Variants in DAB1 observed in about 807,000 individuals in gnomAD.
DAB1 encodes disabled homolog 1.
Under a neutral mutation model 64.6 loss-of-function variants are expected in DAB1, and 15 were observed. That is an observed-to-expected ratio of 0.23 (90% confidence interval 0.16 to 0.36). The LOEUF (loss-of-function observed/expected upper bound fraction) is 0.36, where lower values mean the gene tolerates loss of function less well. Among genes scored for constraint, DAB1 ranks in the 10% least tolerant of loss-of-function variants. The pLI, the probability that DAB1 is intolerant of heterozygous loss-of-function variation, is 1.00. For synonymous variants in DAB1, 235 were observed against 251.9 expected (o/e 0.93, Z 0.64); for missense variants, 596 against 706.7 (o/e 0.84, Z 1.78).
intron 4 of DAB1, among the ~76,000 whole-genome samples, chr1:58,314,263 T>C (rs1314564388): frequency 6.6e-6 from 1 of 152,126 alleles, no homozygotes; most frequent in Non-Finnish European, 1.5e-5. Context: ...TCACAAGCCA[T>C]GTTGTCTGGT....
Position 58,091,935 on chromosome 1 carries a change from AACACACACACACACAC to A in DAB1, n.387+58560_387+58575del, listed in dbSNP as rs59390109. Among the ~76,000 whole-genome samples, 491 of 141,922 alleles carry A rather than the reference AACACACACACACACAC, an allele frequency of 3.5e-3. 2 individuals carry two copies. Among genetic ancestry groups the A allele is most frequent in the Middle Eastern group, 0.014 (4 of 284 alleles). The allele number at this position is 141,922 out of a possible 152,430, so 93.1% of individuals were successfully genotyped here. The stretch of plus-strand genomic sequence containing the variant: ...AGTTAGGATGCTTTGAGCTGCATTA[AACACACACACACACAC>A]ACACACACACACACACAAACTAACA... On this transcript the variant is annotated intron_variant and non_coding_transcript_variant, in intron 5 of 20. Transcript: ENST00000485760.
chr1:57,324,874 C>T (rs1345287341), intron 1 of DAB1, among the ~76,000 whole-genome samples: 1 of 152,194 alleles, frequency 6.6e-6, no homozygotes, highest in African/African-American at 2.4e-5. Flanking sequence ...AGTTGACTCC[C>T]CTCCTTCATG....
chr1:58,183,669 T>A (rs1195687053), intron 4 of DAB1, among the ~76,000 whole-genome samples: 1 of 151,780 alleles, frequency 6.6e-6, no homozygotes. Flanking sequence ...GTTATTGTTT[T>A]ACAAGTGATA....
At chr1:57,703,188 T>C (rs911204815) in intron 6 of DAB1, among the ~76,000 whole-genome samples, 1 of 152,106 alleles carries the variant, frequency 6.6e-6, no homozygotes, top group East Asian at 1.9e-4. Flanking sequence ...AATTGATAAA[T>C]GGGATCTAAT....
At chr1:57,044,662 A>C (rs1044277372) in intron 9 of DAB1, among the ~76,000 whole-genome samples, 6 of 152,204 alleles carry the variant, frequency 3.9e-5, no homozygotes, top group Non-Finnish European at 7.3e-5. Flanking sequence ...CACGTTTGCT[A>C]TATCTGTTCT....
chr1:58,090,716 T>G (rs942534168), intron 5 of DAB1, among the ~76,000 whole-genome samples: 1 of 152,144 alleles, frequency 6.6e-6, no homozygotes, highest in African/African-American at 2.4e-5. Context: ...TTCAGACAAG[T>G]GCAAGGTCCT....
chr1:57,891,057 C>G (rs1170167048), intron 5 of DAB1, among the ~76,000 whole-genome samples: 2 of 152,064 alleles, frequency 1.3e-5, no homozygotes, highest in East Asian at 3.9e-4. Context: ...TAAAAGAAAC[C>G]ATCATCAGAG....
In DAB1 at chr1:57,636,110, A is replaced by AAAC. The variant is rs1208350998; in HGVS notation, n.625+13481_625+13482insGTT. 1.1e-3 allele frequency among the ~76,000 whole-genome samples: 156 copies of AAAC among 143,038 alleles called. 6 individuals are homozygous for AAAC. The highest frequency in any genetic ancestry group is 3.4e-3 in the Middle Eastern group (1 of 290). 93.8% of individuals were successfully genotyped at this position (143,038 alleles called of 152,430 possible). A position where few individuals can be genotyped will look rare whatever the true frequency, so the allele number is the denominator to read the frequency against. ...AGACACGGTCTCAAAAAAAAAAAAA[A>AAAC]AAACAAAAACAAAAAACTGGTGCCC... On this transcript the variant is annotated intron_variant and non_coding_transcript_variant, in intron 7 of 20. Transcript: ENST00000485760.
intron 1 of DAB1, among the ~76,000 whole-genome samples, chr1:57,313,545 C>T (rs1674919549): frequency 6.6e-6 from 1 of 152,062 alleles, no homozygotes; most frequent in African/African-American, 2.4e-5. Flanking sequence ...GGTAAGTTGG[C>T]CCCGGTCTGG....
intron 2 of DAB1, among the ~76,000 whole-genome samples, chr1:57,213,432 T>A (rs1218874317): frequency 6.6e-6 from 1 of 152,100 alleles, no homozygotes; most frequent in Non-Finnish European, 1.5e-5. Context: ...ATAGTGTAGA[T>A]CTAGAGATAG....
At chr1:57,105,399 C>CTG (rs1008745366) in intron 4 of DAB1, among the ~76,000 whole-genome samples, 57 of 151,520 alleles carry the variant, frequency 3.8e-4, no homozygotes, top group Admixed American at 1.5e-3. Context: ...GTGTGTGTGT[C>CTG]TGTGTGTGTG....
At chr1:57,731,109 A>G (rs1022593897) in intron 6 of DAB1, among the ~76,000 whole-genome samples, 2 of 152,286 alleles carry the variant, frequency 1.3e-5, no homozygotes, top group Non-Finnish European at 2.9e-5. Flanking sequence ...AAAATATTGC[A>G]TAAGCATACA....
At chr1:57,887,964 C>T (rs1338940998), upstream of DAB1, among the ~76,000 whole-genome samples, 1 of 152,134 alleles carries the variant, frequency 6.6e-6, no homozygotes, top group Admixed American at 6.5e-5. Flanking sequence ...ATGCACATCA[C>T]CAGAATGTCT....
chr1:58,021,162 G>A (rs965359215), intron 5 of DAB1, among the ~76,000 whole-genome samples: 5 of 152,192 alleles, frequency 3.3e-5, no homozygotes, highest in African/African-American at 1.2e-4. Flanking sequence ...ATAGCTTAAG[G>A]GCTTAGAGAA....
Position 57,610,976 on chromosome 1 carries a change from T to G in DAB1, n.625+38616A>C, listed in dbSNP as rs79173522. Among the ~76,000 whole-genome samples the G allele has an allele frequency of 1.2e-3, 181 of 152,306 alleles. 3 individuals carry two copies. The East Asian group carries it at 0.03, about 25-fold the overall frequency. On this transcript the variant is annotated intron_variant and non_coding_transcript_variant, in intron 7 of 20. Coordinates refer to the DAB1 transcript ENST00000485760. ...ACCCAGGGTTCTAGTTACTTCTGGA[T>G]GCTTATCTTTCTTTTGGACTATAAA...
At chr1:58,038,825 A>G (rs1262153704) in intron 5 of DAB1, among the ~76,000 whole-genome samples, 1 of 152,238 alleles carries the variant, frequency 6.6e-6, no homozygotes, top group Non-Finnish European at 1.5e-5. Context: ...AAAGCTTAAT[A>G]CATGTAGAAA....
chr1:57,874,024 G>A (rs1644000581), intron 1 of DAB1: 1 of 152,074 alleles, frequency 6.6e-6, no homozygotes, highest in Admixed American at 6.6e-5. Context: ...GAGAGCTTGG[G>A]AGTCACTGCT....
intron 2 of DAB1, among the ~76,000 whole-genome samples, chr1:57,165,194 A>G (rs1661110155): frequency 6.6e-6 from 1 of 152,212 alleles, no homozygotes; most frequent in Non-Finnish European, 1.5e-5. Flanking sequence ...TGTAACAGCC[A>G]ATTATCTCCT....
chr1:57,314,322 G>A (rs1674998958), intron 1 of DAB1, among the ~76,000 whole-genome samples: 1 of 152,188 alleles, frequency 6.6e-6, no homozygotes, highest in African/African-American at 2.4e-5. Flanking sequence ...AAATATCAGA[G>A]CACTTAGAAA....
Sources: gnomAD v4.1 joint callset for allele counts (sites outside exome capture counted in the v4.1 genomes callset) on GRCh38, gnomAD v4.1.1 for gene constraint, MANE v1.5 for transcripts, NCBI Gene and HGNC (gene_info 2026-07-23, HGNC 2026-07-21) for gene names.